Variants in KLRB1 observed in about 807,000 individuals in gnomAD.
KLRB1 encodes killer cell lectin-like receptor subfamily B member 1.
Under a neutral mutation model 33.5 loss-of-function variants are expected in KLRB1, and 27 were observed. That is an observed-to-expected ratio of 0.81 (90% confidence interval 0.59 to 1.11). The LOEUF (loss-of-function observed/expected upper bound fraction) is 1.11, where lower values mean the gene tolerates loss of function less well. Ranked by LOEUF, KLRB1 falls within the 50% of genes most tolerant of loss-of-function variation. The probability of loss-of-function intolerance (pLI) is 0.00; values close to 1 mark genes in which losing one functional copy is unlikely to be tolerated. For missense variants in KLRB1, 241 were observed against 254.1 expected (o/e 0.95, Z 0.35); for synonymous variants, 64 against 88.9 (o/e 0.72, Z 1.58).
At chr12:9,607,242 TCC>T (rs1164271982) in intron 1 of KLRB1, among the ~76,000 whole-genome samples, 38 of 151,006 alleles carry the variant, frequency 2.5e-4, no homozygotes, top group Non-Finnish European at 4.3e-4. Context: ...CTTCCTTCCT[TCC>T]TCCTTCTCTT....
At chr12:9,605,734 T>C (rs949517914) in intron 1 of KLRB1, among the ~76,000 whole-genome samples, 1 of 152,222 alleles carries the variant, frequency 6.6e-6, no homozygotes, top group Non-Finnish European at 1.5e-5. Context: ...AGACCAATAG[T>C]GGTTTTACTG....
chr12:9,599,685 G>T, intron 3 of KLRB1, 82 bp downstream of exon 3: 1 of 868,956 alleles, frequency 1.2e-6, no homozygotes, highest in Non-Finnish European at 2.0e-6. Context: ...CATATGGATT[G>T]TTATGAATTG....
intron 5 of KLRB1, among the ~76,000 whole-genome samples, chr12:9,595,714 C>G (rs1223350240): frequency 6.6e-6 from 1 of 152,080 alleles, no homozygotes; most frequent in African/African-American, 2.4e-5. Flanking sequence ...TCTTATTGTT[C>G]TACTAACAGG....
At chr12:9,598,230 C>A in intron 4 of KLRB1, 69 bp from the exon 5 acceptor site, 1 of 959,848 alleles carries the variant, frequency 1.0e-6, no homozygotes, top group East Asian at 2.5e-5. Context: ...AAACCTAGTT[C>A]AAGCATCACC....
At position 9,605,183 on chromosome 12, in the gene KLRB1, C is replaced by T. The variant is rs945184287; in HGVS notation, c.85+2572G>A. The stretch of plus-strand genomic sequence containing the variant: ...GACATGAAATCATCCTTTTTTATGG[C>T]TGCACAGTATTCCATGGTGTATATG... On this transcript the variant is annotated intron_variant, in intron 1 of 5. Transcript: ENST00000229402. Among the ~76,000 whole-genome samples the T allele has an allele frequency of 7.2e-5, 11 of 152,330 alleles. 2 individuals are homozygous for T. The highest frequency in any genetic ancestry group is 3.3e-4 in the Admixed American group (5 of 15,306).
At chr12:9,606,756 A>ATTTTTTTTTTTTTTTTTTTTTTTTTTT (rs1188705968) in intron 1 of KLRB1, among the ~76,000 whole-genome samples, 1 of 31,542 alleles carries the variant, frequency 3.2e-5, no homozygotes, top group Non-Finnish European at 5.7e-5. Flanking sequence ...ATATATATAT[A>ATTTTTTTTTTTTTTTTTTTTTTTTTTT]TATATTTTTT....
intron 1 of KLRB1, 185 bp downstream of exon 1, chr12:9,607,570 G>T: frequency 1.9e-6 from 1 of 539,082 alleles, no homozygotes; most frequent in South Asian, 2.1e-5. Flanking sequence ...AAAAATAAAT[G>T]TATGAGGTTT....
intron 1 of KLRB1, 135 bp downstream of exon 1, chr12:9,607,620 C>A: frequency 1.6e-6 from 1 of 606,684 alleles, no homozygotes. Flanking sequence ...TACAGGCAAG[C>A]CATGCAACAC....
Position 9,595,225 on chromosome 12 carries a change from G to A in KLRB1, c.*49C>T. ...GTACCAATAGTATGTGCAGCTACAAGTACAGAGATCAGTAATGGGAAGCAA... is the reference window on the plus strand; with the variant it reads ...GTACCAATAGTATGTGCAGCTACAAATACAGAGATCAGTAATGGGAAGCAA... On this transcript the variant is annotated 3_prime_UTR_variant, in exon 6 of 6. Coordinates refer to ENST00000229402, the MANE Select transcript of KLRB1 (RefSeq NM_002258.3). The A allele has an allele frequency of 1.3e-6, 2 of 1,550,410 alleles. No homozygotes were observed. The highest frequency in any genetic ancestry group is 2.3e-5 in the East Asian group (1 of 44,402).
chr12:9,604,973 T>G (rs1864584033), intron 1 of KLRB1, among the ~76,000 whole-genome samples: 2 of 152,160 alleles, frequency 1.3e-5, no homozygotes, highest in Admixed American at 1.3e-4. Flanking sequence ...TTTCTCCTAG[T>G]GCTATCCCTT....
In KLRB1 at chr12:9,598,459, A is replaced by C. The variant is rs1479088625; in HGVS notation, c.414+40T>G. On this transcript the variant is annotated intron_variant, in intron 4 of 5. Transcript: ENST00000229402. The stretch of plus-strand genomic sequence containing the variant: ...ACAGACATTAATATGGTTTAAAGAA[A>C]GTGTTAAGTTTTATTAAGGTATTTT... The C allele has an allele frequency of 5.2e-6, 8 of 1,553,130 alleles. 1 individual carries two copies. In the South Asian group the frequency reaches 9.2e-5, roughly 18 times the overall value.
chr12:9,607,335 C>CTT (rs1491505010), intron 1 of KLRB1, among the ~76,000 whole-genome samples: 2 of 65,270 alleles, frequency 3.1e-5, no homozygotes, highest in African/African-American at 8.3e-5. Flanking sequence ...CTCTTTCTTT[C>CTT]CTTTCTTTCT....
At chr12:9,601,633 C>CAAAA (rs71690153) in intron 1 of KLRB1, 34 bp from the exon 2 acceptor site, 1 of 1,480,154 alleles carries the variant, frequency 6.8e-7, no homozygotes, top group South Asian at 1.1e-5. Flanking sequence ...CAAAAACAAA[C>CAAAA]AAACAAACGA....
chr12:9,603,585 C>T lies in KLRB1; in HGVS notation c.86-1986G>A, dbSNP rs771211645. Among the ~76,000 whole-genome samples, 23 of 134,424 alleles carry T rather than the reference C, an allele frequency of 1.7e-4. 1 individual carries two copies. In the South Asian group the frequency reaches 3.4e-3, roughly 20 times the overall value. The allele number at this position is 134,424 out of a possible 152,430, so 88.2% of individuals were successfully genotyped here. A position where few individuals can be genotyped will look rare whatever the true frequency, so the allele number is the denominator to read the frequency against. The stretch of plus-strand genomic sequence containing the variant: ...GATTACAGGCATGCGCCACCATGCC[C>T]GGCTAATTTTGTATTTTTTTTTTTT... On this transcript the variant is annotated intron_variant, in intron 1 of 5. Coordinates refer to ENST00000229402, the MANE Select transcript of KLRB1 (RefSeq NM_002258.3).
chr12:9,605,302 G>T (rs774276973), intron 1 of KLRB1, among the ~76,000 whole-genome samples: 202 of 152,278 alleles, frequency 1.3e-3, no homozygotes, highest in African/African-American at 4.5e-3. Flanking sequence ...AAACATACGT[G>T]TGCATGTGTC....
intron 1 of KLRB1, among the ~76,000 whole-genome samples, chr12:9,605,751 A>G (rs1037157234): frequency 3.9e-5 from 6 of 152,200 alleles, no homozygotes; most frequent in African/African-American, 1.4e-4. Context: ...ACTGTCATTC[A>G]ATATCAGACC....
At chr12:9,607,316 C>A (rs1172155255) in intron 1 of KLRB1, among the ~76,000 whole-genome samples, 1 of 65,390 alleles carries the variant, frequency 1.5e-5, no homozygotes, top group Non-Finnish European at 3.1e-5. Context: ...TTTCTTTCTT[C>A]TTTTCTTTCT....
intron 4 of KLRB1, 127 bp downstream of exon 4, chr12:9,598,372 A>C: frequency 1.3e-6 from 1 of 799,938 alleles, no homozygotes; most frequent in Non-Finnish European, 2.0e-6. Flanking sequence ...ATATCCATGT[A>C]GTCATTCAAA....
chr12:9,607,137 G>T (rs1344128846), intron 1 of KLRB1, among the ~76,000 whole-genome samples: 2 of 151,984 alleles, frequency 1.3e-5, no homozygotes, highest in African/African-American at 4.8e-5. Flanking sequence ...GAGGAATTTG[G>T]AATAACGTAG....
Sources: gnomAD v4.1 joint callset for allele counts (sites outside exome capture counted in the v4.1 genomes callset) on GRCh38, gnomAD v4.1.1 for gene constraint, MANE v1.5 for transcripts, NCBI Gene and HGNC (gene_info 2026-07-23, HGNC 2026-07-21) for gene names.